Variants in FOXK1 observed in about 807,000 individuals in gnomAD.
FOXK1 encodes forkhead box protein K1.
Under a neutral mutation model 51.9 loss-of-function variants are expected in FOXK1, and 19 were observed. That is an observed-to-expected ratio of 0.37 (90% CI 0.26 to 0.54). The LOEUF (loss-of-function observed/expected upper bound fraction) is 0.54. FOXK1 is among the 20% of genes least tolerant of loss of function. The pLI, the probability that FOXK1 is intolerant of heterozygous loss-of-function variation, is 0.87. For synonymous variants in FOXK1, 537 were observed against 482.6 expected, an observed-to-expected ratio of 1.11 and a Z score of -1.48; for missense variants, 870 against 1,032.7, an observed-to-expected ratio of 0.84 and a Z score of 2.16.
intron 2 of FOXK1, among the ~76,000 whole-genome samples, chr7:4,746,047 G>C (rs1420833538): frequency 6.6e-6 from 1 of 152,202 alleles, no homozygotes; most frequent in Non-Finnish European, 1.5e-5. Context: ...ACATTGCACA[G>C]AGTGACTGTT....
At chr7:4,687,580 T>C (rs1381303770) in intron 1 of FOXK1, among the ~76,000 whole-genome samples, 4 of 152,056 alleles carry the variant, frequency 2.6e-5, no homozygotes, top group African/African-American at 9.6e-5. Flanking sequence ...AGGCGTGAGC[T>C]ACTACGCCCG....
rs1780223473 is a variant in FOXK1, at chr7:4,715,561, C to G, written c.561-25277C>G. On this transcript the variant is annotated intron_variant, in intron 1 of 8. Transcript: ENST00000328914. The surrounding 1 kb of genome is among the most constrained non-coding windows in gnomAD (Gnocchi z 4.5). ...AGTCAGCTTTCCACTTAAGCAGAGC[C>G]AAGTTTAGAATGAATGAATAGGATA... Among the ~76,000 whole-genome samples the G allele has an allele frequency of 6.6e-6, 1 of 152,140 alleles. No individual in the cohort carries two copies. The highest frequency in any genetic ancestry group is 2.4e-5 in the African/African-American group (1 of 41,430).
intron 1 of FOXK1, among the ~76,000 whole-genome samples, chr7:4,691,977 T>C (rs1021052380): frequency 1.3e-5 from 2 of 152,180 alleles, no homozygotes; most frequent in Non-Finnish European, 2.9e-5. Flanking sequence ...TTTTATACTC[T>C]TATACTCCTA....
intron 1 of FOXK1, among the ~76,000 whole-genome samples, chr7:4,728,227 G>A (rs774171360): frequency 3.9e-5 from 6 of 152,260 alleles, no homozygotes; most frequent in South Asian, 4.1e-4. Flanking sequence ...TTGGATCATC[G>A]ATCCTAACAC....
chr7:4,720,821 C>T lies in FOXK1; in HGVS notation c.561-20017C>T, dbSNP rs996296047. ...GCAACCTCTACCTCCTGGGTTCAAG[C>T]GATTCTCCTGCCTCAGCCTCCTGAG... is the stretch of plus-strand genomic sequence containing the variant. On this transcript the variant is annotated intron_variant, in intron 1 of 8. Coordinates refer to ENST00000328914, the MANE Select transcript of FOXK1 (RefSeq NM_001037165.2). Among the ~76,000 whole-genome samples the T allele has an allele frequency of 1.3e-4, 19 of 151,568 alleles. No homozygotes were observed. The East Asian group carries it at 2.9e-3, about 23-fold the overall frequency.
intron 1 of FOXK1, among the ~76,000 whole-genome samples, chr7:4,727,041 C>A (rs1182319109): frequency 6.6e-6 from 1 of 152,090 alleles, no homozygotes; most frequent in African/African-American, 2.4e-5. Flanking sequence ...AATTCCTGGG[C>A]TCAAGTGATC....
chr7:4,700,116 C>T (rs967126624), intron 1 of FOXK1, among the ~76,000 whole-genome samples: 1 of 152,254 alleles, frequency 6.6e-6, no homozygotes, highest in African/African-American at 2.4e-5. Flanking sequence ...TTAGGTCCCA[C>T]TGGCTTGCAC....
At chr7:4,759,641 G>T (rs1219370573) in intron 7 of FOXK1, 46 bp downstream of exon 7, 2 of 1,501,216 alleles carry the variant, frequency 1.3e-6, no homozygotes, top group African/African-American at 2.8e-5. Context: ...CTTTGTGGTG[G>T]TCCCGGCCGG....
chr7:4,713,140 C>G (rs186110913), intron 1 of FOXK1, among the ~76,000 whole-genome samples: 2 of 152,118 alleles, frequency 1.3e-5, no homozygotes. Context: ...CTTTTCCTGC[C>G]CTATTAATTT....
intron 1 of FOXK1, among the ~76,000 whole-genome samples, chr7:4,688,676 G>T (rs924651678): frequency 6.6e-6 from 1 of 151,958 alleles, no homozygotes; most frequent in East Asian, 1.9e-4. Flanking sequence ...CCCCACGCCC[G>T]GCACCCTCTG....
intron 1 of FOXK1, among the ~76,000 whole-genome samples, chr7:4,718,392 C>T (rs149272967): frequency 3.4e-3 from 518 of 152,324 alleles, no homozygotes; most frequent in Middle Eastern, 0.01. Flanking sequence ...CGGGCTCGTC[C>T]GCAGCTCAGG....
At chr7:4,699,455 G>A (rs1779993949) in intron 1 of FOXK1, among the ~76,000 whole-genome samples, 1 of 151,390 alleles carries the variant, frequency 6.6e-6, no homozygotes, top group Non-Finnish European at 1.5e-5. Flanking sequence ...TGCAGCGTCT[G>A]CCTCCCAGGT....
At chr7:4,746,865 G>C (rs1780709153) in intron 2 of FOXK1, among the ~76,000 whole-genome samples, 2 of 152,184 alleles carry the variant, frequency 1.3e-5, no homozygotes, top group South Asian at 4.1e-4. Context: ...CTCTTCCCTT[G>C]TCTGCCTGTC....
Position 4,734,351 on chromosome 7 carries a change from C to A in FOXK1, c.561-6487C>A, listed in dbSNP as rs1780523074. ...TAAACTGTGCAAGATTTCCCGTTTC[C>A]CCTGGCTGTGGCTCTTGTGGTCCTG... On this transcript the variant is annotated intron_variant, in intron 1 of 8. Transcript: ENST00000328914. This position sits in a 1 kb window ranked among gnomAD's most constrained non-coding sequence, Gnocchi z 5.2. 6.6e-6 allele frequency among the ~76,000 whole-genome samples: 1 copy of A among 152,170 alleles called. No homozygotes were observed. Among genetic ancestry groups the A allele is most frequent in the African/African-American group, 2.4e-5 (1 of 41,444 alleles).
In FOXK1 at chr7:4,761,816, G is replaced by C. The variant is rs183226709; in HGVS notation, c.1922-368G>C. 2.6e-3 allele frequency among the ~76,000 whole-genome samples: 400 copies of C among 152,290 alleles called. 1 individual carries two copies. Among genetic ancestry groups the C allele is most frequent in the African/African-American group, 9.2e-3 (383 of 41,544 alleles). On this transcript the variant is annotated intron_variant, in intron 8 of 8. Transcript: ENST00000328914. The surrounding 1 kb of genome is among the most constrained non-coding windows in gnomAD (Gnocchi z 6.2). ...GGTCAAAGGAAGGAGGAGAGTTGGG[G>C]TGCTGGGGTGCAAGGGTGCTGGGCG...
intron 1 of FOXK1, among the ~76,000 whole-genome samples, chr7:4,708,379 T>G (rs1015883040): frequency 5.9e-5 from 9 of 152,138 alleles, no homozygotes; most frequent in Middle Eastern, 6.3e-3. Context: ...CATCCAGGGC[T>G]GCTGGTCGGG....
At chr7:4,708,066 G>A (rs1048849453) in intron 1 of FOXK1, among the ~76,000 whole-genome samples, 1 of 151,854 alleles carries the variant, frequency 6.6e-6, no homozygotes, top group African/African-American at 2.4e-5. Flanking sequence ...TAACTGGTGG[G>A]GAGTGAACTG....
rs1272205687 is a variant in FOXK1, at chr7:4,744,030, C to T, written c.746+3007C>T. On this transcript the variant is annotated intron_variant, in intron 2 of 8. Coordinates refer to ENST00000328914, the MANE Select transcript of FOXK1 (RefSeq NM_001037165.2). ...TAGGTGGGAATACAGGCACATGCCA[C>T]CACGCCCGGCTAATTTTTGTGTGTT... Among the ~76,000 whole-genome samples the T allele has an allele frequency of 2.0e-5, 3 of 152,062 alleles. No individual in the cohort carries two copies. The East Asian group carries it at 5.8e-4, about 29-fold the overall frequency.
At chr7:4,690,871 A>C (rs1010560514) in intron 1 of FOXK1, among the ~76,000 whole-genome samples, 2 of 152,248 alleles carry the variant, frequency 1.3e-5, no homozygotes, top group Non-Finnish European at 2.9e-5. Flanking sequence ...TGACAACTCA[A>C]ATTGCAGCAA....
Sources: gnomAD v4.1 joint callset for allele counts (sites outside exome capture counted in the v4.1 genomes callset) on GRCh38, gnomAD v4.1.1 for gene constraint, Gnocchi (gnomAD v3.1) non-coding constraint, MANE v1.5 for transcripts, NCBI Gene and HGNC (gene_info 2026-07-23, HGNC 2026-07-21) for gene names.